Variants in LAP3 observed in about 807,000 individuals in gnomAD.
LAP3 encodes the protein cytosol aminopeptidase.
Under a neutral mutation model 58.8 loss-of-function variants are expected in LAP3, and 46 were observed. The ratio of observed to expected loss-of-function variants is 0.78; its 90% confidence interval spans 0.62 to 1.00. LAP3 has a LOEUF of 1.00. Ranked by LOEUF, LAP3 falls within the 50% of genes least tolerant of loss-of-function variation. The pLI, the probability that LAP3 is intolerant of heterozygous loss-of-function variation, is 0.00. For synonymous variants in LAP3, 257 were observed against 237.7 expected, an observed-to-expected ratio of 1.08 and a Z score of -0.75; for missense variants, 615 against 659.1, an observed-to-expected ratio of 0.93 and a Z score of 0.73.
intron 9 of LAP3, 71 bp downstream of exon 9, chr4:17,597,205 C>A (rs1713852866): frequency 8.0e-7 from 1 of 1,252,024 alleles, no homozygotes; most frequent in Admixed American, 1.7e-5. Flanking sequence ...CACATAACCA[C>A]AGCTAGGATG....
intron 1 of LAP3, among the ~76,000 whole-genome samples, chr4:17,579,118 T>G (rs1288362296): frequency 1.3e-5 from 2 of 152,156 alleles, no homozygotes; most frequent in African/African-American, 4.8e-5. Flanking sequence ...GCCCAAAAGC[T>G]TGTATACCTT....
intron 1 of LAP3, among the ~76,000 whole-genome samples, chr4:17,578,117 A>G (rs553276106): frequency 1.3e-5 from 2 of 152,328 alleles, no homozygotes; most frequent in East Asian, 1.9e-4. Flanking sequence ...ACTCCAAAAA[A>G]TTACGAAGGT....
At chr4:17,606,139 G>A (rs1227074350) in intron 11 of LAP3, among the ~76,000 whole-genome samples, 1 of 152,134 alleles carries the variant, frequency 6.6e-6, no homozygotes, top group African/African-American at 2.4e-5. Context: ...ATGAATGAAT[G>A]AATGTGGTCA....
intron 3 of LAP3, chr4:17,582,069 C>G: frequency 1.7e-6 from 1 of 598,982 alleles, no homozygotes; most frequent in Non-Finnish European, 3.0e-6. Flanking sequence ...AGTATCCTCA[C>G]TTACTCTGCC....
At chr4:17,596,456 C>T (rs1357858713) in intron 8 of LAP3, among the ~76,000 whole-genome samples, 1 of 152,132 alleles carries the variant, frequency 6.6e-6, no homozygotes, top group African/African-American at 2.4e-5. Flanking sequence ...TCTTCTGCCT[C>T]AGCCTCTTGA....
chr4:17,598,515 C>G lies in LAP3; in HGVS notation c.1137C>G (p.His379Gln). The change falls in exon 10 of 13, where the codon CAC (histidine) becomes CAG (glutamine). Residue 379 changes from histidine (H) to glutamine (Q), a missense_variant. Transcript: ENST00000226299. ...TGGCTGATGCGCTCTGTTACGCACA[C>G]ACGTTTAACCCGAAGGTCATCCTCA... ...LILADALCYAHTFNPKVILNA... is the reference protein window; with the variant it reads ...LILADALCYAQTFNPKVILNA... The G allele has an allele frequency of 1.2e-6, 2 of 1,614,134 alleles. No homozygotes were observed. Among genetic ancestry groups the G allele is most frequent in the Non-Finnish European group, 8.5e-7 (1 of 1,179,992 alleles).
chr4:17,587,598 T>C (rs1713561407), intron 6 of LAP3: 1 of 152,470 alleles, frequency 6.6e-6, no homozygotes, highest in South Asian at 2.1e-4. Flanking sequence ...TGGTTGTTGC[T>C]GGTCTGCAGG....
chr4:17,580,185 T>TATATATATATGTA, intron 2 of LAP3, among the ~76,000 whole-genome samples: 63 of 32,048 alleles, frequency 2.0e-3, no homozygotes, highest in African/African-American at 0.01. Context: ...TATATATGTA[T>TATATATATATGTA]TTTTTTTTTT....
chr4:17,583,259 C>T (rs1000785962), intron 4 of LAP3, among the ~76,000 whole-genome samples: 5 of 152,194 alleles, frequency 3.3e-5, no homozygotes, highest in Non-Finnish European at 5.9e-5. Context: ...TCATTCTCTC[C>T]ATCAGCCTGT....
At chr4:17,590,882 A>G (rs1332630787) in intron 7 of LAP3, among the ~76,000 whole-genome samples, 1 of 144,716 alleles carries the variant, frequency 6.9e-6, no homozygotes, top group Non-Finnish European at 1.5e-5. Context: ...TAAAGTGTGT[A>G]TTATAAAAAC....
chr4:17,607,795 ATTT>A lies in LAP3; in HGVS notation c.*209_*211del, dbSNP rs201808067. On this transcript the variant is annotated 3_prime_UTR_variant, in exon 13 of 13. Coordinates refer to ENST00000226299, the MANE Select transcript of LAP3 (RefSeq NM_015907.3). ...AAAGTTAATATCTTACTTGATAAGGATTTTTAAGATACTCTATAAATGATTAAA... is the reference window on the plus strand; with the variant it reads ...AAAGTTAATATCTTACTTGATAAGGATTAAGATACTCTATAAATGATTAAA... 5,925 of 455,784 alleles carry A rather than the reference ATTT, an allele frequency of 0.013. 148 individuals are homozygous for A. Among genetic ancestry groups the A allele is most frequent in the East Asian group, 0.052 (1,496 of 28,846 alleles). 28.2% of individuals were successfully genotyped at this position (455,784 alleles called of 1,614,324 possible). A position where few individuals can be genotyped will look rare whatever the true frequency, so the allele number is the denominator to read the frequency against.
chr4:17,590,173 G>T (rs568120571), intron 7 of LAP3, among the ~76,000 whole-genome samples: 1 of 152,258 alleles, frequency 6.6e-6, no homozygotes, highest in East Asian at 1.9e-4. Flanking sequence ...ACTTCTCAGG[G>T]TACAGAATAT....
In LAP3 at chr4:17,579,881, A is replaced by G; in HGVS notation, c.160A>G (p.Ser54Gly). ...AGAAGATGATGTGCCACAGTTCACA[A>G]GTGCAGGAGAGAATTTTGATAAATT... Reference protein sequence around the residue: ...EKEDDVPQFTSAGENFDKLLA... With the variant: ...EKEDDVPQFTGAGENFDKLLA... The change falls in exon 2 of 13, where the codon AGT becomes GGT. Residue 54 changes from serine (S) to glycine (G), a missense_variant. Coordinates refer to ENST00000226299, the MANE Select transcript of LAP3 (RefSeq NM_015907.3). 3 of 1,612,524 alleles carry G rather than the reference A, an allele frequency of 1.9e-6. No homozygotes were observed. In the East Asian group the frequency reaches 6.7e-5, roughly 36 times the overall value.
chr4:17,589,683 C>T (rs1036340437), intron 7 of LAP3, among the ~76,000 whole-genome samples: 2 of 151,640 alleles, frequency 1.3e-5, no homozygotes, highest in African/African-American at 4.8e-5. Flanking sequence ...TGGTCTTAAA[C>T]TGCTGTCTCA....
chr4:17,583,665 AG>A (rs1553881136), intron 5 of LAP3, 23 bp downstream of exon 5: 1 of 1,606,070 alleles, frequency 6.2e-7, no homozygotes, highest in African/African-American at 1.5e-5. Flanking sequence ...AATTAGGAGG[AG>A]GGTGGTGCTC....
intron 1 of LAP3, among the ~76,000 whole-genome samples, chr4:17,578,849 T>C (rs1404793251): frequency 6.6e-6 from 1 of 152,108 alleles, no homozygotes; most frequent in African/African-American, 2.4e-5. Flanking sequence ...TTGACCACAG[T>C]CCTTACGTGG....
At chr4:17,593,541 C>T (rs1713751319) in intron 7 of LAP3, among the ~76,000 whole-genome samples, 1 of 148,192 alleles carries the variant, frequency 6.7e-6, no homozygotes, top group Non-Finnish European at 1.5e-5. Flanking sequence ...TCCAGCTTTG[C>T]TCTTCTTTTT....
At chr4:17,578,233 A>G (rs1387465712) in intron 1 of LAP3, among the ~76,000 whole-genome samples, 1 of 152,136 alleles carries the variant, frequency 6.6e-6, no homozygotes, top group Non-Finnish European at 1.5e-5. Flanking sequence ...CCTGCAGAAG[A>G]ACGTTCTAGG....
chr4:17,598,362 T>C lies in LAP3; in HGVS notation c.1078-94T>C, dbSNP rs1460083862. On this transcript the variant is annotated intron_variant, in intron 9 of 12. Coordinates refer to ENST00000226299, the MANE Select transcript of LAP3 (RefSeq NM_015907.3). Reference sequence around the variant, plus strand: ...TGATAATGACACACGTCACAGTAGCTTTTTCCAACTTTTCCGTCGAACACT... The same window carrying C: ...TGATAATGACACACGTCACAGTAGCCTTTTCCAACTTTTCCGTCGAACACT... 5.7e-6 allele frequency: 5 copies of C among 882,816 alleles called. No individual in the cohort carries two copies. In the Admixed American group the frequency reaches 7.3e-5, roughly 13 times the overall value. The allele number at this position is 882,816 out of a possible 1,614,324, so 54.7% of individuals were successfully genotyped here. A position where few individuals can be genotyped will look rare whatever the true frequency, so the allele number is the denominator to read the frequency against.
Sources: gnomAD v4.1 joint callset for allele counts (sites outside exome capture counted in the v4.1 genomes callset) on GRCh38, gnomAD v4.1.1 for gene constraint, MANE v1.5 for transcripts, NCBI Gene and HGNC (gene_info 2026-07-23, HGNC 2026-07-21) for gene names.